The following PPP2R2C variants were observed in gnomAD, a reference collection of about 807,000 sequenced individuals.
PPP2R2C encodes protein phosphatase 2, regulatory subunit B, gamma.
In PPP2R2C, 10 loss-of-function variants were observed where a neutral mutation model predicts 45.3. The ratio of observed to expected loss-of-function variants is 0.22; its 90% CI spans 0.14 to 0.37. The LOEUF (loss-of-function observed/expected upper bound fraction) is 0.37, where lower values mean the gene tolerates loss of function less well. Among genes scored for constraint, PPP2R2C ranks in the 10% least tolerant of loss-of-function variants. The pLI, the probability that PPP2R2C is intolerant of heterozygous loss-of-function variation, is 1.00. For missense variants in PPP2R2C, 308 were observed against 619.7 expected, an observed-to-expected ratio of 0.50 and a Z score of 5.34; for synonymous variants, 257 against 245.4, an observed-to-expected ratio of 1.05 and a Z score of -0.44.
intron 2 of PPP2R2C, among the ~76,000 whole-genome samples, chr4:6,503,763 A>G (rs1361673259): frequency 6.6e-6 from 1 of 151,726 alleles, no homozygotes; most frequent in East Asian, 1.9e-4. Context: ...AGTACACTGC[A>G]TAGACATAAC....
At chr4:6,529,510 T>C (rs1724325601) in intron 2 of PPP2R2C, among the ~76,000 whole-genome samples, 2 of 149,638 alleles carry the variant, frequency 1.3e-5, no homozygotes. Context: ...CACCTCCAGT[T>C]TGCAGATGAG....
chr4:6,432,695 G>A (rs926486998), intron 1 of PPP2R2C, among the ~76,000 whole-genome samples: 4 of 152,226 alleles, frequency 2.6e-5, no homozygotes, highest in Non-Finnish European at 4.4e-5. Context: ...TCACACTACA[G>A]GGATAGAGAA....
At chr4:6,384,121 T>A in intron 1 of PPP2R2C, 1 of 985,448 alleles carries the variant, frequency 1.0e-6, no homozygotes, top group Non-Finnish European at 1.2e-6. Context: ...CCTGACATTG[T>A]CCCTCCGTGG....
intron 6 of PPP2R2C, among the ~76,000 whole-genome samples, chr4:6,335,487 C>T (rs1021608122): frequency 3.3e-5 from 5 of 152,026 alleles, no homozygotes; most frequent in African/African-American, 9.7e-5. Flanking sequence ...GGAACAGGGA[C>T]GCAAGGGGCC....
intron 6 of PPP2R2C, among the ~76,000 whole-genome samples, chr4:6,339,455 A>C (rs892912062): frequency 6.6e-6 from 1 of 152,250 alleles, no homozygotes; most frequent in Non-Finnish European, 1.5e-5. Flanking sequence ...CAGGCCTGGC[A>C]GAGAAGCCTC....
intron 1 of PPP2R2C, among the ~76,000 whole-genome samples, chr4:6,456,744 T>C (rs961408560): frequency 1.3e-5 from 2 of 152,168 alleles, no homozygotes; most frequent in African/African-American, 4.8e-5. Context: ...TTCCCATGAT[T>C]TAATATTCTT....
chr4:6,443,499 C>T (rs1275895861), intron 1 of PPP2R2C, among the ~76,000 whole-genome samples: 1 of 152,202 alleles, frequency 6.6e-6, no homozygotes, highest in Non-Finnish European at 1.5e-5. Flanking sequence ...TGAGTCACCC[C>T]CTTCCGTGGT....
rs779537797 is a variant in PPP2R2C at position 6,368,984 on chromosome 4, C to T, written c.625+3539G>A. ...TGTAATATAGATGCAGACGGGGAGACAGGATTCAATCCTTCTGATGAATGA... is the reference window on the plus strand; with the variant it reads ...TGTAATATAGATGCAGACGGGGAGATAGGATTCAATCCTTCTGATGAATGA... On this transcript the variant is annotated intron_variant, in intron 5 of 8. Coordinates refer to ENST00000382599, the MANE Select transcript of PPP2R2C (RefSeq NM_020416.4). The surrounding 1 kb of genome is among the most constrained non-coding windows in gnomAD (Gnocchi z 4.2). Among the ~76,000 whole-genome samples the T allele has an allele frequency of 1.2e-4, 18 of 152,124 alleles. No homozygotes were observed. Among genetic ancestry groups the T allele is most frequent in the Admixed American group, 9.8e-4 (15 of 15,282 alleles).
In PPP2R2C at chr4:6,398,672, G is replaced by A. The variant is rs142871949; in HGVS notation, c.71-17578C>T. On this transcript the variant is annotated intron_variant, in intron 1 of 8. Coordinates refer to ENST00000382599, the MANE Select transcript of PPP2R2C (RefSeq NM_020416.4). Reference sequence around the variant, plus strand: ...GGGGAATGAAAAACGATAGAGCCCCGTGGGAAACAGCAAGGCAGTTTCTTA... The same window carrying A: ...GGGGAATGAAAAACGATAGAGCCCCATGGGAAACAGCAAGGCAGTTTCTTA... 4.4e-3 allele frequency among the ~76,000 whole-genome samples: 675 copies of A among 152,274 alleles called. 2 individuals carry two copies. Among genetic ancestry groups the A allele is most frequent in the Non-Finnish European group, 7.4e-3 (504 of 68,010 alleles).
intron 2 of PPP2R2C, among the ~76,000 whole-genome samples, chr4:6,478,770 T>G (rs1292867330): frequency 6.6e-6 from 1 of 152,182 alleles, no homozygotes; most frequent in Non-Finnish European, 1.5e-5. Flanking sequence ...CGCAGCGGCT[T>G]CAAGGCTATT....
intron 1 of PPP2R2C, among the ~76,000 whole-genome samples, chr4:6,411,517 C>CTAATT (rs1395801048): frequency 1.3e-5 from 2 of 151,644 alleles, no homozygotes; most frequent in Non-Finnish European, 2.9e-5. Context: ...CTTAAGTTCT[C>CTAATT]TAATTTGTGT....
chr4:6,433,658 C>T (rs1719742889), intron 1 of PPP2R2C, among the ~76,000 whole-genome samples: 2 of 152,220 alleles, frequency 1.3e-5, no homozygotes, highest in South Asian at 4.1e-4. Flanking sequence ...ACTATACATG[C>T]AGTCACTATA....
At chr4:6,392,305 G>A (rs1033134036) in intron 1 of PPP2R2C, among the ~76,000 whole-genome samples, 4 of 152,128 alleles carry the variant, frequency 2.6e-5, no homozygotes, top group Non-Finnish European at 5.9e-5. Flanking sequence ...AAATTCAGCA[G>A]TGCACACTCC....
intron 5 of PPP2R2C, among the ~76,000 whole-genome samples, chr4:6,370,671 G>A (rs370412828): frequency 2.6e-4 from 39 of 152,302 alleles, no homozygotes; most frequent in South Asian, 2.1e-3. Context: ...GAAGACAGCA[G>A]AGGCAATCAG....
intron 1 of PPP2R2C, among the ~76,000 whole-genome samples, chr4:6,403,101 G>C (rs1307309295): frequency 2.0e-5 from 3 of 152,256 alleles, no homozygotes; most frequent in African/African-American, 7.2e-5. Flanking sequence ...GAACCACTGA[G>C]CAGTCTGAAG....
At chr4:6,379,831 G>A (rs1018683994) in intron 2 of PPP2R2C, among the ~76,000 whole-genome samples, 1 of 152,180 alleles carries the variant, frequency 6.6e-6, no homozygotes, top group Non-Finnish European at 1.5e-5. Flanking sequence ...TCACCGTGAG[G>A]AGGGTTATGT....
intron 1 of PPP2R2C, among the ~76,000 whole-genome samples, chr4:6,387,107 C>T (rs1458476643): frequency 6.6e-6 from 1 of 151,944 alleles, no homozygotes; most frequent in Non-Finnish European, 1.5e-5. Context: ...AGACCTGTTG[C>T]ATATCAAAAG....
In PPP2R2C at chr4:6,384,069, C is replaced by T. The variant is rs982089950; in HGVS notation, c.71-2975G>A. The T allele has an allele frequency of 1.1e-5, 11 of 985,344 alleles. 1 individual carries two copies. In the African/African-American group the frequency reaches 1.9e-4, roughly 17 times the overall value. The allele number at this position is 985,344 out of a possible 1,614,324, so 61.0% of individuals were successfully genotyped here. On this transcript the variant is annotated intron_variant, in intron 1 of 8. Transcript: ENST00000382599. ...GCAGCTCTGTGGGAACACGGAAACG[C>T]CCACCGGGCATGGAGTCAGAACAGG...
At chr4:6,404,597 C>T (rs1202060512) in intron 1 of PPP2R2C, among the ~76,000 whole-genome samples, 2 of 152,124 alleles carry the variant, frequency 1.3e-5, no homozygotes, top group African/African-American at 4.8e-5. Flanking sequence ...AGCAATCACC[C>T]GAGGGGCCTG....
Sources: gnomAD v4.1 joint callset for allele counts (sites outside exome capture counted in the v4.1 genomes callset) on GRCh38, gnomAD v4.1.1 for gene constraint, Gnocchi (gnomAD v3.1) non-coding constraint, MANE v1.5 for transcripts, NCBI Gene and HGNC (gene_info 2026-07-23, HGNC 2026-07-21) for gene names.